CHRM3: variants seen among roughly 807,000 people sequenced by gnomAD.
CHRM3 encodes muscarinic acetylcholine receptor M3.
In CHRM3, 11 loss-of-function variants were observed where a neutral mutation model predicts 41.8. The ratio of observed to expected loss-of-function variants is 0.26; its 90% CI spans 0.17 to 0.44. The LOEUF is 0.44. Ranked by LOEUF, CHRM3 falls within the 20% of genes least tolerant of loss-of-function variation. The probability of loss-of-function intolerance (pLI) is 1.00; values close to 1 mark genes in which losing one functional copy is unlikely to be tolerated. For synonymous variants in CHRM3, 297 were observed against 301.4 expected (o/e 0.99, Z 0.15); for missense variants, 571 against 745.4 (o/e 0.77, Z 2.72).
intron 5 of CHRM3, among the ~76,000 whole-genome samples, chr1:239,759,844 C>T (rs1340584776): frequency 6.6e-6 from 1 of 152,134 alleles, no homozygotes; most frequent in African/African-American, 2.4e-5. Flanking sequence ...TTCGCTGAAT[C>T]ATCTGGAATC....
chr1:239,641,216 C>T (rs575917828), intron 4 of CHRM3, among the ~76,000 whole-genome samples: 52 of 151,858 alleles, frequency 3.4e-4, no homozygotes, highest in Middle Eastern at 6.8e-3. Context: ...CGGTGTGGTG[C>T]GGTGCTGAAA....
intron 2 of CHRM3, among the ~76,000 whole-genome samples, chr1:239,521,774 G>T (rs182165041): frequency 2.0e-5 from 3 of 151,952 alleles, no homozygotes; most frequent in Admixed American, 2.0e-4. Context: ...ACAAAATAAC[G>T]TACAACAATA....
At chr1:239,650,501 C>G (rs1672135607) in intron 4 of CHRM3, among the ~76,000 whole-genome samples, 2 of 152,322 alleles carry the variant, frequency 1.3e-5, no homozygotes, top group Middle Eastern at 3.4e-3. Flanking sequence ...TGGCTTCACT[C>G]TGCAGCCACA....
intron 4 of CHRM3, among the ~76,000 whole-genome samples, chr1:239,674,313 A>C (rs1657742414): frequency 1.3e-5 from 2 of 152,152 alleles, no homozygotes; most frequent in South Asian, 2.1e-4. Context: ...AGAAAATATA[A>C]ATTTATTAGT....
intron 1 of CHRM3, among the ~76,000 whole-genome samples, chr1:239,404,410 A>AAGAAAGAGAAAGAAAGAAAGAAGG (rs1210507333): frequency 1.7e-4 from 9 of 51,752 alleles, no homozygotes; most frequent in African/African-American, 5.8e-4. Context: ...GAAAGAAAGA[A>AAGAAAGAGAAAGAAAGAAAGAAGG]AAAGAAAGAA....
intron 5 of CHRM3, among the ~76,000 whole-genome samples, chr1:239,826,480 GC>G (rs1334066789): frequency 6.6e-6 from 1 of 152,172 alleles, no homozygotes; most frequent in Non-Finnish European, 1.5e-5. Context: ...GTATTATGTG[GC>G]AGCCATGTTC....
At chr1:239,635,187 A>T (rs2148889927) in intron 4 of CHRM3, among the ~76,000 whole-genome samples, 1 of 152,338 alleles carries the variant, frequency 6.6e-6, no homozygotes, top group African/African-American at 2.4e-5. Flanking sequence ...ATGTTAGTCA[A>T]CATGGCTTTC....
chr1:239,565,085 C>G (rs1272687406), intron 3 of CHRM3, among the ~76,000 whole-genome samples: 2 of 152,146 alleles, frequency 1.3e-5, no homozygotes, highest in Non-Finnish European at 2.9e-5. Flanking sequence ...GCCTTCTCCC[C>G]TATGGGGCGG....
intron 3 of CHRM3, among the ~76,000 whole-genome samples, chr1:239,614,648 G>C (rs546861432): frequency 5.1e-4 from 78 of 152,222 alleles, no homozygotes; most frequent in African/African-American, 1.9e-3. Flanking sequence ...GCTGGGCCCA[G>C]GAAAAATGGA....
intron 2 of CHRM3, among the ~76,000 whole-genome samples, chr1:239,528,630 T>C (rs2148311877): frequency 6.6e-6 from 1 of 152,320 alleles, no homozygotes; most frequent in African/African-American, 2.4e-5. Context: ...CAGTGGTTCA[T>C]GCCTGTAATC....
chr1:239,516,735 G>GGGA (rs1669299106), intron 2 of CHRM3, among the ~76,000 whole-genome samples: 2 of 152,210 alleles, frequency 1.3e-5, no homozygotes, highest in Non-Finnish European at 2.9e-5. Context: ...GCCGCACAGC[G>GGGA]GGAGGTGAGT....
At chr1:239,772,009 C>T (rs1667716174) in intron 5 of CHRM3, among the ~76,000 whole-genome samples, 2 of 152,024 alleles carry the variant, frequency 1.3e-5, no homozygotes, top group Non-Finnish European at 1.5e-5. Flanking sequence ...CAAAGAGAAA[C>T]AAAAGAAAGA....
intron 6 of CHRM3, among the ~76,000 whole-genome samples, chr1:239,885,852 G>A (rs560263769): frequency 7.2e-4 from 110 of 152,280 alleles, no homozygotes; most frequent in African/African-American, 2.4e-3. Flanking sequence ...AGGGCACTGG[G>A]TGAAAATATT....
At chr1:239,859,047 A>G (rs1482173091) in intron 6 of CHRM3, among the ~76,000 whole-genome samples, 1 of 152,228 alleles carries the variant, frequency 6.6e-6, no homozygotes, top group Non-Finnish European at 1.5e-5. Flanking sequence ...TAAGGCTGCT[A>G]TGAACATTTA....
At chr1:239,694,451 A>C (rs1267562394) in intron 5 of CHRM3, among the ~76,000 whole-genome samples, 1 of 152,216 alleles carries the variant, frequency 6.6e-6, no homozygotes. Context: ...AATCTTTAAA[A>C]CAAGGCTTAA....
intron 3 of CHRM3, among the ~76,000 whole-genome samples, chr1:239,582,965 C>T (rs974536413): frequency 7.2e-5 from 11 of 152,176 alleles, no homozygotes; most frequent in Non-Finnish European, 5.9e-5. Flanking sequence ...CCCTGTTGCT[C>T]TCCAGCCAGT....
At chr1:239,659,295 C>T (rs1672982386) in intron 4 of CHRM3, among the ~76,000 whole-genome samples, 1 of 152,134 alleles carries the variant, frequency 6.6e-6, no homozygotes, top group African/African-American at 2.4e-5. Context: ...CTCACTTGTT[C>T]CCAAGATTCC....
chr1:239,459,435 T>C (rs1381406659), intron 1 of CHRM3, among the ~76,000 whole-genome samples: 2 of 152,180 alleles, frequency 1.3e-5, no homozygotes, highest in Non-Finnish European at 2.9e-5. Context: ...CAAAGGAATG[T>C]ATATTATTAT....
chr1:239,760,728 G>A (rs1021417510), intron 5 of CHRM3, among the ~76,000 whole-genome samples: 2 of 152,062 alleles, frequency 1.3e-5, no homozygotes, highest in East Asian at 1.9e-4. Flanking sequence ...ACCAGAATTC[G>A]GCTGTTATTG....
Sources: allele counts gnomAD v4.1 joint callset (sites outside exome capture counted in the v4.1 genomes callset), GRCh38; gene constraint gnomAD v4.1.1; transcripts MANE v1.5; gene names NCBI Gene and HGNC (gene_info 2026-07-23, HGNC 2026-07-21).